The following DDAH1 variants were observed in gnomAD, a reference collection of about 807,000 sequenced individuals.
The protein encoded by DDAH1 is dimethylarginine dimethylaminohydrolase 1, also known as N(G),N(G)-dimethylarginine dimethylaminohydrolase 1.
In DDAH1, 19 loss-of-function variants were observed where a neutral mutation model predicts 28.8. The ratio of observed to expected loss-of-function variants is 0.66; its 90% CI spans 0.46 to 0.97. The LOEUF (loss-of-function observed/expected upper bound fraction) is 0.97. Among genes scored for constraint, DDAH1 ranks in the 50% least tolerant of loss-of-function variants. DDAH1 has a pLI of 0.00. For synonymous variants in DDAH1, 153 were observed against 154.4 expected, an observed-to-expected ratio of 0.99 and a Z score of 0.07; for missense variants, 326 against 375.9, an observed-to-expected ratio of 0.87 and a Z score of 1.10.
chr1:85,531,337 T>TA (rs1284783863), intron 1 of DDAH1, among the ~76,000 whole-genome samples: 1 of 151,980 alleles, frequency 6.6e-6, no homozygotes, highest in African/African-American at 2.4e-5. Context: ...CCTCATAATG[T>TA]AAAAAGGGTA....
chr1:85,414,941 A>T (rs892266858), intron 1 of DDAH1, among the ~76,000 whole-genome samples: 4 of 151,090 alleles, frequency 2.6e-5, no homozygotes, highest in Non-Finnish European at 5.9e-5. Context: ...TAGAAGGAAA[A>T]TTTTAAAATC....
At chr1:85,415,173 C>A (rs1652837793) in intron 1 of DDAH1, among the ~76,000 whole-genome samples, 1 of 151,790 alleles carries the variant, frequency 6.6e-6, no homozygotes, top group Non-Finnish European at 1.5e-5. Context: ...TGACACCACG[C>A]CCGGCTAATT....
At chr1:85,549,776 T>C (rs1178523094) in intron 1 of DDAH1, among the ~76,000 whole-genome samples, 1 of 152,222 alleles carries the variant, frequency 6.6e-6, no homozygotes, top group East Asian at 1.9e-4. Flanking sequence ...TGAGTTAATC[T>C]CTTATTTCTC....
At chr1:85,463,678 T>TA in intron 1 of DDAH1, among the ~76,000 whole-genome samples, 1 of 152,346 alleles carries the variant, frequency 6.6e-6, no homozygotes, top group East Asian at 1.9e-4. Flanking sequence ...GGAATAAGCA[T>TA]ATTTTATCAT....
intron 1 of DDAH1, chr1:85,576,889 G>A (rs983023736): frequency 8.5e-5 from 13 of 152,734 alleles, no homozygotes; most frequent in African/African-American, 3.1e-4. Flanking sequence ...GCCTGGGCGC[G>A]GGCCGCCGCG....
chr1:85,369,581 T>C (rs972666012), intron 1 of DDAH1, among the ~76,000 whole-genome samples: 3 of 152,144 alleles, frequency 2.0e-5, no homozygotes, highest in African/African-American at 7.2e-5. Flanking sequence ...CCGCCACTCA[T>C]CTCCAGTAAT....
In DDAH1 at chr1:85,359,262, GCTGGAGT is replaced by G. The variant is rs746585673; in HGVS notation, c.304-422_304-416del. Among the ~76,000 whole-genome samples, 10 of 152,266 alleles carry G rather than the reference GCTGGAGT, an allele frequency of 6.6e-5. No individual in the cohort carries two copies. In the South Asian group the frequency reaches 2.1e-3, roughly 32 times the overall value. On this transcript the variant is annotated intron_variant, in intron 1 of 5. Coordinates refer to ENST00000284031, the MANE Select transcript of DDAH1 (RefSeq NM_012137.4). ...TTAGAGGTTGACTAGTTAGGATATT[GCTGGAGT>G]CTGACCAGTTAGCACACTATTGGAG... is the stretch of plus-strand genomic sequence containing the variant.
At chr1:85,526,445 A>C (rs1657877220) in intron 1 of DDAH1, among the ~76,000 whole-genome samples, 1 of 152,206 alleles carries the variant, frequency 6.6e-6, no homozygotes, top group Non-Finnish European at 1.5e-5. Flanking sequence ...CTGAGAAAGA[A>C]TAGGGCCTTA....
intron 2 of DDAH1, among the ~76,000 whole-genome samples, chr1:85,355,915 T>C (rs918568416): frequency 1.2e-4 from 18 of 152,208 alleles, no homozygotes; most frequent in African/African-American, 4.3e-4. Context: ...ATCTTGTAGC[T>C]TTATAAAACT....
chr1:85,447,319 G>T (rs962869649), intron 1 of DDAH1, among the ~76,000 whole-genome samples: 4 of 152,164 alleles, frequency 2.6e-5, no homozygotes, highest in Admixed American at 6.5e-5. Flanking sequence ...GGCCCATGAG[G>T]CTCTCCATTT....
In DDAH1 at chr1:85,340,760, TA is replaced by T. The variant is rs377144004; in HGVS notation, c.597+9654del. On this transcript the variant is annotated intron_variant, in intron 4 of 5. Coordinates refer to ENST00000284031, the MANE Select transcript of DDAH1 (RefSeq NM_012137.4). ...ACACCTTCAGCTTCTACTCCTCTGC[TA>T]AAAAAAAAAATCTGTGTTGTCCCCC... Among the ~76,000 whole-genome samples, 211 of 147,174 alleles carry T rather than the reference TA, an allele frequency of 1.4e-3. 1 individual carries two copies. The highest frequency in any genetic ancestry group is 1.7e-3 in the Admixed American group (25 of 14,740).
At chr1:85,422,007 T>C (rs1016823843) in intron 1 of DDAH1, among the ~76,000 whole-genome samples, 81 of 152,346 alleles carry the variant, frequency 5.3e-4, no homozygotes, top group Admixed American at 5.2e-3. Context: ...TGAAAGAAAC[T>C]ACCAAAATGG....
chr1:85,356,658 C>G (rs1339284063), intron 2 of DDAH1, among the ~76,000 whole-genome samples: 2 of 152,128 alleles, frequency 1.3e-5, no homozygotes, highest in African/African-American at 2.4e-5. Context: ...AAAGATATCC[C>G]AACATCATCT....
chr1:85,362,458 C>A (rs1448923498), intron 1 of DDAH1, among the ~76,000 whole-genome samples: 1 of 152,154 alleles, frequency 6.6e-6, no homozygotes, highest in African/African-American at 2.4e-5. Context: ...TCCTTCCTTA[C>A]CCTTCCCTTT....
At chr1:85,437,570 T>C (rs1653997141) in intron 1 of DDAH1, among the ~76,000 whole-genome samples, 1 of 152,198 alleles carries the variant, frequency 6.6e-6, no homozygotes, top group South Asian at 2.1e-4. Flanking sequence ...CTAACTTACT[T>C]TATTATAAGA....
At chr1:85,429,012 A>AT (rs914062698) in intron 1 of DDAH1, among the ~76,000 whole-genome samples, 28 of 151,924 alleles carry the variant, frequency 1.8e-4, no homozygotes, top group African/African-American at 6.5e-4. Context: ...CTTTTTATTT[A>AT]TTTTTTATTT....
intron 1 of DDAH1, among the ~76,000 whole-genome samples, chr1:85,569,256 T>C (rs10518340): frequency 0.019 from 2,898 of 152,294 alleles, 100 homozygotes; most frequent in African/African-American, 0.067. Flanking sequence ...CAGTAAAAGT[T>C]TGAGTGGGTC....
intron 4 of DDAH1, among the ~76,000 whole-genome samples, chr1:85,338,729 T>C (rs141485530): frequency 6.6e-6 from 1 of 152,262 alleles, no homozygotes; most frequent in East Asian, 1.9e-4. Context: ...TGAGGACCAC[T>C]AACTTACACT....
chr1:85,355,451 T>A (rs1208544737), intron 2 of DDAH1, among the ~76,000 whole-genome samples: 1 of 152,162 alleles, frequency 6.6e-6, no homozygotes, highest in African/African-American at 2.4e-5. Context: ...CAAAATGTTA[T>A]CGAACTAAAT....
Sources: gnomAD v4.1 joint callset for allele counts (sites outside exome capture counted in the v4.1 genomes callset) on GRCh38, gnomAD v4.1.1 for gene constraint, MANE v1.5 for transcripts, NCBI Gene and HGNC (gene_info 2026-07-23, HGNC 2026-07-21) for gene names.